Variants in GPR39 observed in about 807,000 individuals in gnomAD.
GPR39 encodes the protein G protein-coupled receptor 39.
GPR39 carries 23 observed loss-of-function variants against 18.4 expected under a neutral mutation model. That is an observed-to-expected ratio of 1.25 (90% CI 0.90 to 1.77). GPR39 has a LOEUF of 1.77. Ranked by LOEUF, GPR39 falls within the 40% of genes most tolerant of loss-of-function variation. GPR39 has a pLI of 0.00. For missense variants in GPR39, 647 were observed against 602.4 expected, an observed-to-expected ratio of 1.07 and a Z score of -0.78; for synonymous variants, 280 against 257.9, an observed-to-expected ratio of 1.09 and a Z score of -0.82.
At chr2:132,449,142 T>C (rs1454937315) in intron 1 of GPR39, among the ~76,000 whole-genome samples, 2 of 152,240 alleles carry the variant, frequency 1.3e-5, no homozygotes, top group East Asian at 3.9e-4. Context: ...AGAGCTGCCA[T>C]TGCCACACGG....
At chr2:132,421,840 G>GAA (rs59138663) in intron 1 of GPR39, among the ~76,000 whole-genome samples, 50 of 152,010 alleles carry the variant, frequency 3.3e-4, no homozygotes, top group African/African-American at 1.2e-3. Context: ...AGAGAAGAGA[G>GAA]GGTAGAGGGT....
chr2:132,435,401 A>G (rs1680295329), intron 1 of GPR39, among the ~76,000 whole-genome samples: 1 of 152,168 alleles, frequency 6.6e-6, no homozygotes, highest in Admixed American at 6.5e-5. Flanking sequence ...TCTCTTCTCT[A>G]TGATTGTCTA....
intron 1 of GPR39, among the ~76,000 whole-genome samples, chr2:132,604,273 A>G (rs540159502): frequency 6.4e-4 from 98 of 152,286 alleles, no homozygotes; most frequent in African/African-American, 2.3e-3. Context: ...ATAGATGTCT[A>G]TCCCCTTGCC....
intron 1 of GPR39, among the ~76,000 whole-genome samples, chr2:132,548,044 C>T (rs1439696527): frequency 2.6e-5 from 4 of 152,272 alleles, no homozygotes; most frequent in South Asian, 4.1e-4. Flanking sequence ...CCACCCTCCC[C>T]GCTTACGCCC....
intron 1 of GPR39, among the ~76,000 whole-genome samples, chr2:132,428,734 A>C (rs1429595106): frequency 1.3e-5 from 2 of 152,240 alleles, no homozygotes; most frequent in African/African-American, 4.8e-5. Flanking sequence ...CAATACTAGA[A>C]AAGGGTGAAT....
At chr2:132,618,115 G>A (rs1280158862) in intron 1 of GPR39, among the ~76,000 whole-genome samples, 1 of 152,142 alleles carries the variant, frequency 6.6e-6, no homozygotes, top group Non-Finnish European at 1.5e-5. Flanking sequence ...GCCCCTTCCT[G>A]CTTAACAGAA....
chr2:132,615,405 G>T (rs1681316887), intron 1 of GPR39, among the ~76,000 whole-genome samples: 1 of 152,132 alleles, frequency 6.6e-6, no homozygotes, highest in African/African-American at 2.4e-5. Context: ...TTCCTCGCAG[G>T]CATCATTGCA....
chr2:132,485,257 G>A (rs1017087065), intron 1 of GPR39, among the ~76,000 whole-genome samples: 2 of 152,118 alleles, frequency 1.3e-5, no homozygotes, highest in Non-Finnish European at 2.9e-5. Flanking sequence ...GCTAAAAATT[G>A]CTAATGATCA....
intron 1 of GPR39, among the ~76,000 whole-genome samples, chr2:132,497,517 C>A (rs1309147124): frequency 6.6e-6 from 1 of 152,114 alleles, no homozygotes; most frequent in Non-Finnish European, 1.5e-5. Context: ...TTGCTAGATT[C>A]CATTCTGTTA....
At chr2:132,544,466 G>A (rs1246948443) in intron 1 of GPR39, among the ~76,000 whole-genome samples, 1 of 152,194 alleles carries the variant, frequency 6.6e-6, no homozygotes, top group African/African-American at 2.4e-5. Context: ...CCACATGCTT[G>A]CCCCCTTGAT....
chr2:132,602,437 A>G (rs1192379216), intron 1 of GPR39, among the ~76,000 whole-genome samples: 3 of 152,152 alleles, frequency 2.0e-5, no homozygotes, highest in African/African-American at 4.8e-5. Flanking sequence ...CTATAAAACT[A>G]CTAGAAGAAC....
chr2:132,531,797 C>A (rs1460103703), intron 1 of GPR39, among the ~76,000 whole-genome samples: 22 of 152,144 alleles, frequency 1.4e-4, no homozygotes, highest in Admixed American at 1.4e-3. Flanking sequence ...TTCTTTGAAA[C>A]CAATGAGAAC....
At chr2:132,516,092 T>C (rs1258821348) in intron 1 of GPR39, among the ~76,000 whole-genome samples, 1 of 152,162 alleles carries the variant, frequency 6.6e-6, no homozygotes, top group Non-Finnish European at 1.5e-5. Context: ...TGTTTCTGCT[T>C]TCTGGGTCCT....
intron 1 of GPR39, among the ~76,000 whole-genome samples, chr2:132,525,790 CAAGG>C (rs1679497262): frequency 6.6e-6 from 1 of 152,160 alleles, no homozygotes. Flanking sequence ...ACGTGTGTGA[CAAGG>C]AAGACATGTC....
chr2:132,567,307 G>C (rs1464843982), intron 1 of GPR39, among the ~76,000 whole-genome samples: 1 of 152,120 alleles, frequency 6.6e-6, no homozygotes, highest in Non-Finnish European at 1.5e-5. Flanking sequence ...GGGGGACAGA[G>C]GGAGACAGTC....
intron 1 of GPR39, among the ~76,000 whole-genome samples, chr2:132,595,253 C>A (rs549430450): frequency 6.6e-6 from 1 of 152,150 alleles, no homozygotes; most frequent in Admixed American, 6.5e-5. Flanking sequence ...CCACCTGCCT[C>A]GGCCTCCCAA....
At chr2:132,612,835 G>T (rs1211580700) in intron 1 of GPR39, among the ~76,000 whole-genome samples, 4 of 152,162 alleles carry the variant, frequency 2.6e-5, no homozygotes, top group African/African-American at 7.2e-5. Flanking sequence ...TAGAATCGGA[G>T]TGTAAATGTC....
At chr2:132,425,347 C>G (rs1680099044) in intron 1 of GPR39, among the ~76,000 whole-genome samples, 1 of 152,124 alleles carries the variant, frequency 6.6e-6, no homozygotes, top group Non-Finnish European at 1.5e-5. Context: ...ACATCTTCAA[C>G]CTTCCTTACT....
chr2:132,543,761 C>T (rs1356770676), intron 1 of GPR39, among the ~76,000 whole-genome samples: 1 of 152,130 alleles, frequency 6.6e-6, no homozygotes, highest in Admixed American at 6.5e-5. Context: ...TCTCCTCACC[C>T]AGCTCAGTAA....
Sources: gnomAD v4.1 joint callset for allele counts (sites outside exome capture counted in the v4.1 genomes callset) on GRCh38, gnomAD v4.1.1 for gene constraint, MANE v1.5 for transcripts, NCBI Gene and HGNC (gene_info 2026-07-23, HGNC 2026-07-21) for gene names.